DNAJC5G: variants seen among roughly 807,000 people sequenced by gnomAD.
The protein encoded by DNAJC5G is dnaJ homolog subfamily C member 5G.
Under a neutral mutation model 19.1 loss-of-function variants are expected in DNAJC5G, and 13 were observed. The observed-to-expected ratio is 0.68, with a 90% confidence interval of 0.44 to 1.08. DNAJC5G has a LOEUF of 1.08. DNAJC5G is among the 50% of genes least tolerant of loss of function. The pLI, the probability that DNAJC5G is intolerant of heterozygous loss-of-function variation, is 0.00. For synonymous variants in DNAJC5G, 81 were observed against 84.4 expected (o/e 0.96, Z 0.22); for missense variants, 245 against 230.4 (o/e 1.06, Z -0.41).
At chr2:27,276,516 G>T in intron 2 of DNAJC5G, 129 bp downstream of exon 2, 1 of 520,646 alleles carries the variant, frequency 1.9e-6, no homozygotes, top group Non-Finnish European at 3.4e-6. Context: ...GTGAGGAGAA[G>T]ATGTTTCCTC....
chr2:27,278,710 A>G (rs1678233821), intron 5 of DNAJC5G, among the ~76,000 whole-genome samples: 2 of 142,474 alleles, frequency 1.4e-5, no homozygotes, highest in Admixed American at 7.1e-5. Context: ...AAAAAAAAAG[A>G]AAAGAAAAGA....
intron 5 of DNAJC5G, 48 bp downstream of exon 5, chr2:27,278,380 G>C: frequency 1.2e-6 from 2 of 1,607,400 alleles, no homozygotes; most frequent in Admixed American, 1.7e-5. Flanking sequence ...TCTGGATTGG[G>C]AATGAAAGAA....
intron 5 of DNAJC5G, 84 bp downstream of exon 5, chr2:27,278,416 C>T (rs1234045340): frequency 1.1e-5 from 17 of 1,556,076 alleles, no homozygotes; most frequent in Admixed American, 1.8e-5. Context: ...CACAATGGCT[C>T]ATGCCTGTAA....
chr2:27,279,093 T>G (rs1242154133), intron 5 of DNAJC5G, among the ~76,000 whole-genome samples: 1 of 151,808 alleles, frequency 6.6e-6, no homozygotes, highest in African/African-American at 2.4e-5. Context: ...TATGACAATT[T>G]CAAGTCTTCA....
At chr2:27,276,964 T>C in intron 3 of DNAJC5G, 123 bp downstream of exon 3, 1 of 817,870 alleles carries the variant, frequency 1.2e-6, no homozygotes, top group Non-Finnish European at 1.8e-6. Context: ...TCTCGTCCTG[T>C]CACAGAGCAG....
intron 3 of DNAJC5G, 75 bp downstream of exon 3, chr2:27,276,916 TCTGA>T (rs1341636122): frequency 5.1e-6 from 5 of 977,320 alleles, no homozygotes; most frequent in Non-Finnish European, 7.3e-6. Context: ...TCTTTTGCTA[TCTGA>T]CTCTTTTTTT....
chr2:27,276,486 G>A (rs573029254), intron 2 of DNAJC5G, 99 bp downstream of exon 2: 1 of 459,372 alleles, frequency 2.2e-6, no homozygotes, highest in Admixed American at 3.6e-5. Context: ...GGTCTGTGTA[G>A]CTGGAGGATG....
intron 5 of DNAJC5G, among the ~76,000 whole-genome samples, chr2:27,279,604 A>G (rs867226073): frequency 5.3e-5 from 8 of 152,018 alleles, no homozygotes; most frequent in Middle Eastern, 3.4e-3. Flanking sequence ...GCGGGATGCA[A>G]TTTTTTCCAT....
chr2:27,276,919 G>C, intron 3 of DNAJC5G, 78 bp downstream of exon 3: 3 of 839,764 alleles, frequency 3.6e-6, no homozygotes, highest in Non-Finnish European at 5.2e-6. Context: ...TTTGCTATCT[G>C]ACTCTTTTTT....
At chr2:27,278,683 C>CAAAAAAAAAAAAAAAAA (rs1180058010) in intron 5 of DNAJC5G, among the ~76,000 whole-genome samples, 14 of 26,720 alleles carry the variant, frequency 5.2e-4, no homozygotes, top group Non-Finnish European at 8.5e-4. Context: ...GACTCCATCT[C>CAAAAAAAAAAAAAAAAA]AAAAAAAAAA....
In DNAJC5G at chr2:27,276,271, AAAG is replaced by A. The variant is rs1211430351; in HGVS notation, c.-110_-108del. 32 of 153,032 alleles carry A rather than the reference AAAG, an allele frequency of 2.1e-4. No homozygotes were observed. The highest frequency in any genetic ancestry group is 4.6e-4 in the Admixed American group (7 of 15,308). The allele number at this position is 153,032 out of a possible 1,614,324, so 9.5% of individuals were successfully genotyped here. A position where few individuals can be genotyped will look rare whatever the true frequency, so the allele number is the denominator to read the frequency against. On this transcript the variant is annotated 5_prime_UTR_variant, in exon 2 of 7. Coordinates refer to ENST00000296097, the MANE Select transcript of DNAJC5G (RefSeq NM_173650.3). Reference sequence around the variant, plus strand: ...CAAAAAACTCCGTCAAAAAAAAAAAAAAGAAGAAGAAGTTGTGGAGCTGTCTGA... The same window carrying A: ...CAAAAAACTCCGTCAAAAAAAAAAAAAAGAAGAAGTTGTGGAGCTGTCTGA...
intron 5 of DNAJC5G, among the ~76,000 whole-genome samples, chr2:27,279,136 A>G (rs927014979): frequency 3.3e-5 from 5 of 152,178 alleles, no homozygotes; most frequent in African/African-American, 1.2e-4. Flanking sequence ...AAGAAAAAAA[A>G]AAGATCAATA....
At chr2:27,279,262 A>G (rs900567122) in intron 5 of DNAJC5G, among the ~76,000 whole-genome samples, 1 of 152,016 alleles carries the variant, frequency 6.6e-6, no homozygotes, top group African/African-American at 2.4e-5. Context: ...GTTAAGACAG[A>G]TTTGAGGATG....
rs145408176 is a variant in DNAJC5G, at chr2:27,278,289, G to A, written c.477G>A (p.Gly159=). 7.4e-6 allele frequency: 12 copies of A among 1,614,070 alleles called. No individual in the cohort carries two copies. In the African/African-American group the frequency reaches 1.5e-4, roughly 20 times the overall value. ...ALKPPPEQDS[G]RKYQQNVQSQ... Reference sequence around the variant, plus strand: ...AACCACCACCTGAGCAGGATAGTGGGAGAAAATATCAGCAGAATGTCCAGA... The same window carrying A: ...AACCACCACCTGAGCAGGATAGTGGAAGAAAATATCAGCAGAATGTCCAGA... Residue 159 remains glycine, a synonymous_variant, in exon 5 of 7, where the codon GGG becomes GGA. Coordinates refer to ENST00000296097, the MANE Select transcript of DNAJC5G (RefSeq NM_173650.3).
chr2:27,276,771 G>C lies in DNAJC5G; in HGVS notation c.43G>C (p.Glu15Gln), dbSNP rs1256564224. The C allele has an allele frequency of 6.2e-7, 1 of 1,614,050 alleles. No homozygotes were observed. Among genetic ancestry groups the C allele is most frequent in the South Asian group, 1.1e-5 (1 of 91,076 alleles). ...AGCAGCACACCGGCTGTCCAAAAGT[G>C]AGATGAGCCTCTATGCAGTGCTGGA... ...KEAAHRLSKS[E>Q]MSLYAVLDLK... The change falls in exon 3 of 7, where the codon GAG (glutamate) becomes CAG (glutamine). Residue 15 changes from glutamate (E) to glutamine (Q), a missense_variant. Transcript: ENST00000296097.
intron 4 of DNAJC5G, 36 bp from the exon 5 acceptor site, chr2:27,278,152 A>AT: frequency 6.2e-7 from 1 of 1,613,668 alleles, no homozygotes; most frequent in Non-Finnish European, 8.5e-7. Context: ...CATATAGAAA[A>AT]CTGCTGGACT....
chr2:27,280,218 G>T lies in DNAJC5G; in HGVS notation c.*3G>T, dbSNP rs1473019531. ...AAAATAGCGAAGATGATTTTTAAGAGATGAAGAAGGATGAGGTATGTAAAC... is the reference window on the plus strand; with the variant it reads ...AAAATAGCGAAGATGATTTTTAAGATATGAAGAAGGATGAGGTATGTAAAC... On this transcript the variant is annotated 3_prime_UTR_variant, in exon 6 of 7. Transcript: ENST00000296097. 1 of 1,613,860 alleles carries T rather than the reference G, an allele frequency of 6.2e-7. No homozygotes were observed. The highest frequency in any genetic ancestry group is 1.7e-5 in the Admixed American group (1 of 60,004).
At position 27,280,453 on chromosome 2, in the gene DNAJC5G, C is replaced by G; in HGVS notation, c.*43C>G. The G allele has an allele frequency of 2.0e-6, 1 of 497,406 alleles. No homozygotes were observed. Among genetic ancestry groups the G allele is most frequent in the Non-Finnish European group, 3.7e-6 (1 of 273,248 alleles). 30.8% of individuals were successfully genotyped at this position (497,406 alleles called of 1,614,324 possible). On this transcript the variant is annotated 3_prime_UTR_variant, in exon 7 of 7. Transcript: ENST00000296097. Reference sequence around the variant, plus strand: ...GGTGCTGACCCAGTGAGGGTGCCTTCTGCTGCCCAGTCCCCTGGACACATT... The same window carrying G: ...GGTGCTGACCCAGTGAGGGTGCCTTGTGCTGCCCAGTCCCCTGGACACATT...
At chr2:27,277,669 C>A in intron 3 of DNAJC5G, 85 bp from the exon 4 acceptor site, 1 of 1,535,332 alleles carries the variant, frequency 6.5e-7, no homozygotes, top group Non-Finnish European at 8.9e-7. Flanking sequence ...ATGCTTGCCT[C>A]CATCCTTTGT....
Sources: allele counts gnomAD v4.1 joint callset (sites outside exome capture counted in the v4.1 genomes callset), GRCh38; gene constraint gnomAD v4.1.1; transcripts MANE v1.5; gene names NCBI Gene and HGNC (gene_info 2026-07-23, HGNC 2026-07-21).